ST6GALNAC1: variants seen among roughly 807,000 people sequenced by gnomAD.
ST6GALNAC1 encodes alpha-N-acetylgalactosaminide alpha-2,6-sialyltransferase 1.
A neutral mutation model predicts 56.8 loss-of-function variants in ST6GALNAC1; 45 were observed. The observed-to-expected ratio is 0.79, with a 90% CI of 0.62 to 1.02. The LOEUF (loss-of-function observed/expected upper bound fraction) is 1.02. Ranked by LOEUF, ST6GALNAC1 falls within the 50% of genes least tolerant of loss-of-function variation. The pLI, the probability that ST6GALNAC1 is intolerant of heterozygous loss-of-function variation, is 0.00. For missense variants in ST6GALNAC1, 743 were observed against 754.8 expected (o/e 0.98, Z 0.18); for synonymous variants, 295 against 297.8 (o/e 0.99, Z 0.10).
chr17:76,621,136 G>A (rs1009514101), downstream of ST6GALNAC1, among the ~76,000 whole-genome samples: 5 of 151,316 alleles, frequency 3.3e-5, no homozygotes, highest in Non-Finnish European at 5.9e-5. Flanking sequence ...AAGTGGAGCC[G>A]TAACCAATCC....
chr17:76,630,729 C>A (rs2075881741), intron 1 of ST6GALNAC1, among the ~76,000 whole-genome samples: 1 of 150,470 alleles, frequency 6.6e-6, no homozygotes. Context: ...GGGATTACAG[C>A]GCATGCCACC....
At chr17:76,626,497 G>A in intron 5 of ST6GALNAC1, 105 bp from the exon 6 acceptor site, 12 of 1,493,804 alleles carry the variant, frequency 8.0e-6, no homozygotes, top group South Asian at 2.3e-5. Flanking sequence ...GCTCTGGACT[G>A]GTCTGACTGT....
rs1397340521 is a variant in ST6GALNAC1, at chr17:76,643,651, G to C, written c.-13C>G. 1.2e-6 allele frequency: 2 copies of C among 1,613,248 alleles called. No homozygotes were observed. The highest frequency in any genetic ancestry group is 1.7e-6 in the Non-Finnish European group (2 of 1,179,578). On this transcript the variant is annotated 5_prime_UTR_variant, in exon 1 of 9. Transcript: ENST00000156626. ...GGCAGGACCTCATGGTGGTGGGTCG[G>C]GTTCTAGAGGAAGGTTCTGCATGTC...
Position 76,629,310 on chromosome 17 carries a change from C to T in ST6GALNAC1, c.533G>A (p.Arg178Lys). Residue 178 changes from arginine to lysine, a missense_variant, in exon 2 of 9, where the codon AGG (arginine) becomes AAG (lysine). Physicochemically the swap from Arg to Lys is conservative, Grantham distance 26 (BLOSUM62 2). Coordinates refer to ENST00000156626, the MANE Select transcript of ST6GALNAC1 (RefSeq NM_018414.5). ...GCCCTGGTGCTTCTCTGACACCGTC[C>T]TGGAGGCCGTCAGCTTCCTGGTCTG... ...GGQTRKLTAS[R>K]TVSEKHQGKA... is the part of the protein sequence containing the mutation. 6.2e-7 allele frequency: 1 copy of T among 1,614,200 alleles called. No homozygotes were observed. The highest frequency in any genetic ancestry group is 1.3e-5 in the African/African-American group (1 of 75,034).
At chr17:76,631,616 C>T (rs558504159) in intron 1 of ST6GALNAC1, among the ~76,000 whole-genome samples, 2 of 152,252 alleles carry the variant, frequency 1.3e-5, no homozygotes, top group East Asian at 3.9e-4. Flanking sequence ...CTCTTTCTGT[C>T]TCTGCAGACA....
downstream of ST6GALNAC1, among the ~76,000 whole-genome samples, chr17:76,622,271 C>T (rs2075749624): frequency 7.7e-6 from 1 of 130,428 alleles, no homozygotes; most frequent in Non-Finnish European, 1.7e-5. Context: ...TATATATTAA[C>T]CATTTATCTG....
chr17:76,633,102 C>T (rs1467730259), intron 1 of ST6GALNAC1, among the ~76,000 whole-genome samples: 6 of 151,898 alleles, frequency 4.0e-5, no homozygotes, highest in South Asian at 2.1e-4. Context: ...CCAGCTATTC[C>T]GGAGGCTGAG....
At position 76,643,361 on chromosome 17, in the gene ST6GALNAC1, C is replaced by A; in HGVS notation, c.131+147G>T. The A allele has an allele frequency of 5.8e-6, 5 of 857,904 alleles. No individual in the cohort carries two copies. The South Asian group carries it at 7.1e-5, about 12-fold the overall frequency. 53.1% of individuals were successfully genotyped at this position (857,904 alleles called of 1,614,324 possible). On this transcript the variant is annotated intron_variant, in intron 1 of 8. Transcript: ENST00000156626. ...CAAGTCTTCCCATTAGTCTTTCTTC[C>A]CAGTGCTTCTTGAGAACACTCCTGA...
chr17:76,620,332 AC>A (rs1160290584), downstream of ST6GALNAC1, among the ~76,000 whole-genome samples: 3 of 151,734 alleles, frequency 2.0e-5, no homozygotes, highest in Non-Finnish European at 4.4e-5. Flanking sequence ...GAGCCACCGC[AC>A]CCAGCCTTAT....
At chr17:76,637,255 G>A (rs970705378) in intron 1 of ST6GALNAC1, among the ~76,000 whole-genome samples, 5 of 25,930 alleles carry the variant, frequency 1.9e-4, no homozygotes, top group East Asian at 1.4e-3. Context: ...AAACACCCAA[G>A]AATGATCAAT....
chr17:76,635,919 G>A (rs914851947), intron 1 of ST6GALNAC1, among the ~76,000 whole-genome samples: 1 of 152,208 alleles, frequency 6.6e-6, no homozygotes, highest in Non-Finnish European at 1.5e-5. Context: ...CGAGGCAGTG[G>A]TGACAGCCTA....
At position 76,625,905 on chromosome 17, in the gene ST6GALNAC1, T is replaced by C. The variant is rs1454514687; in HGVS notation, c.1519A>G (p.Lys507Glu). 5.1e-6 allele frequency: 8 copies of C among 1,580,626 alleles called. No individual in the cohort carries two copies. The highest frequency in any genetic ancestry group is 6.9e-6 in the Non-Finnish European group (8 of 1,164,140). Reference sequence around the variant, plus strand: ...CTCCAGTGGGCACCATCCAGGGTCTTAGACCTCAGAAACCTGTGAAATGCC... The same window carrying C: ...CTCCAGTGGGCACCATCCAGGGTCTCAGACCTCAGAAACCTGTGAAATGCC... ...RYMKNRFLRS[K>E]TLDGAHWRIY... Residue 507 changes from lysine (K) to glutamate (E), a missense_variant, in exon 8 of 9, where the codon AAG becomes GAG. By Grantham distance (56) the Lys-to-Glu change is moderately conservative. Transcript: ENST00000156626.
intron 1 of ST6GALNAC1, among the ~76,000 whole-genome samples, chr17:76,631,565 T>C (rs867428025): frequency 5.8e-4 from 88 of 152,272 alleles, no homozygotes; most frequent in African/African-American, 1.9e-3. Context: ...TCTAAGGCTT[T>C]GTCTCTATCT....
chr17:76,641,227 A>G (rs1423080051), intron 1 of ST6GALNAC1, among the ~76,000 whole-genome samples: 1 of 152,160 alleles, frequency 6.6e-6, no homozygotes, highest in Non-Finnish European at 1.5e-5. Context: ...GAAATGCTTA[A>G]AAGGTAACCT....
intron 1 of ST6GALNAC1, 57 bp downstream of exon 1, chr17:76,643,451 T>C (rs1336196407): frequency 6.3e-7 from 1 of 1,595,672 alleles, no homozygotes; most frequent in Non-Finnish European, 8.5e-7. Flanking sequence ...TGGGCTATCA[T>C]TTTTCTGTTT....
rs2075774074 is a variant in ST6GALNAC1 at position 76,624,877 on chromosome 17, C to G, written c.*453G>C. The G allele has an allele frequency of 5.5e-6, 1 of 180,904 alleles. No homozygotes were observed. The highest frequency in any genetic ancestry group is 5.4e-5 in the Admixed American group (1 of 18,364). 11.2% of individuals were successfully genotyped at this position (180,904 alleles called of 1,614,324 possible). A position where few individuals can be genotyped will look rare whatever the true frequency, so the allele number is the denominator to read the frequency against. On this transcript the variant is annotated 3_prime_UTR_variant, in exon 9 of 9. Coordinates refer to ENST00000156626, the MANE Select transcript of ST6GALNAC1 (RefSeq NM_018414.5). ...CTTAAAGACAAGGACAAGTATAGAC[C>G]CTTCTAGAATCAGATAACTCCTAGA...
At position 76,626,680 on chromosome 17, in the gene ST6GALNAC1, G is replaced by T; in HGVS notation, c.1282C>A (p.Arg428=). ...LTQSLLILGN[R]GFKNVPLGKD... ...CCAAGAGGCACGTTCTTGAAACCCC[G>T]ATTGCCCAATATAAGGAGTGACTGG... The change falls in exon 5 of 9, where the codon CGG becomes AGG. Residue 428 remains arginine, a synonymous_variant. Transcript: ENST00000156626. 1 of 1,614,134 alleles carries T rather than the reference G, an allele frequency of 6.2e-7. No homozygotes were observed. Among genetic ancestry groups the T allele is most frequent in the Non-Finnish European group, 8.5e-7 (1 of 1,180,018 alleles).
intron 1 of ST6GALNAC1, among the ~76,000 whole-genome samples, chr17:76,638,828 A>G (rs541254384): frequency 6.6e-6 from 1 of 152,046 alleles, no homozygotes; most frequent in South Asian, 2.1e-4. Flanking sequence ...TGATCTGCCC[A>G]CCTCGGTCTC....
In ST6GALNAC1 at chr17:76,629,643, G is replaced by A. The variant is rs143927446; in HGVS notation, c.200C>T (p.Pro67Leu). Reference sequence around the variant, plus strand: ...GATGGTTGTCCTCCTTGCCCTTGTGGGTGCCTGGGACTTAGGCTTTGCCAG... The same window carrying A: ...GATGGTTGTCCTCCTTGCCCTTGTGAGTGCCTGGGACTTAGGCTTTGCCAG... ...QSLAKPKSQA[P>L]TRARRTTIYA... Residue 67 changes from proline to leucine, a missense_variant, in exon 2 of 9, where the codon CCC (proline) becomes CTC (leucine). Pro to Leu is a moderately conservative substitution (Grantham distance 98, BLOSUM62 -3). Coordinates refer to ENST00000156626, the MANE Select transcript of ST6GALNAC1 (RefSeq NM_018414.5). 177 of 1,613,754 alleles carry A rather than the reference G, an allele frequency of 1.1e-4. No homozygotes were observed. The East Asian group carries it at 2.3e-3, about 21-fold the overall frequency.
Sources: gnomAD v4.1 joint callset for allele counts (sites outside exome capture counted in the v4.1 genomes callset) on GRCh38, gnomAD v4.1.1 for gene constraint, MANE v1.5 for transcripts, NCBI Gene and HGNC (gene_info 2026-07-23, HGNC 2026-07-21) for gene names.